LY96: variants seen among roughly 807,000 people sequenced by gnomAD.
The protein encoded by LY96 is lymphocyte antigen 96, also known as myeloid differentiation protein-2.
In LY96, 18 loss-of-function variants were observed where a neutral mutation model predicts 18.9. The observed-to-expected ratio is 0.95, with a 90% CI of 0.66 to 1.41. LY96 has a LOEUF of 1.41. Ranked by LOEUF, LY96 falls within the 40% of genes most tolerant of loss-of-function variation. The pLI, the probability that LY96 is intolerant of heterozygous loss-of-function variation, is 0.00. For missense variants in LY96, 175 were observed against 182.4 expected (o/e 0.96, Z 0.23); for synonymous variants, 66 against 62.6 (o/e 1.06, Z -0.26).
chr8:74,086,049 C>A, the LY96 span, among the ~76,000 whole-genome samples: 18 of 152,308 alleles, frequency 1.2e-4, no homozygotes, highest in South Asian at 2.1e-3. Context: ...AACCACCCCC[C>A]TCCCAGCCCC....
the LY96 span, among the ~76,000 whole-genome samples, chr8:74,092,857 T>A: frequency 6.6e-6 from 1 of 152,220 alleles, no homozygotes; most frequent in African/African-American, 2.4e-5. Context: ...TCTCTCTGTA[T>A]TGCCACAGCT....
intron 1 of LY96, among the ~76,000 whole-genome samples, chr8:73,998,445 GT>G (rs1255184182): frequency 2.0e-5 from 3 of 152,002 alleles, no homozygotes; most frequent in African/African-American, 4.8e-5. Flanking sequence ...AGAGGCTGAA[GT>G]GAGAGGATCA....
intron 3 of LY96, 49 bp downstream of exon 3, chr8:74,010,178 GA>G: frequency 1.3e-6 from 2 of 1,530,032 alleles, no homozygotes; most frequent in South Asian, 1.1e-5. Context: ...AATTCTTTAT[GA>G]AAATGTTATG....
At chr8:74,099,431 A>G in the LY96 span, 1 of 152,288 alleles carries the variant, frequency 6.6e-6, no homozygotes, top group Non-Finnish European at 1.5e-5. Flanking sequence ...TTGGTGCAAC[A>G]ACAGACCAGC....
chr8:74,027,154 G>C (rs1378555848), intron 4 of LY96, among the ~76,000 whole-genome samples: 7 of 151,990 alleles, frequency 4.6e-5, no homozygotes, highest in Non-Finnish European at 1.5e-5. Flanking sequence ...TGCCCAGGTT[G>C]GTCTTGAATT....
At chr8:74,007,957 G>A (rs535645131) in intron 2 of LY96, among the ~76,000 whole-genome samples, 6 of 152,206 alleles carry the variant, frequency 3.9e-5, no homozygotes, top group East Asian at 1.9e-4. Context: ...ACAGGGTTTC[G>A]CCATGTTGGC....
Position 73,998,132 on chromosome 8 carries a change from T to G in LY96, c.112+6578T>G, listed in dbSNP as rs1386826470. Among the ~76,000 whole-genome samples the G allele has an allele frequency of 4.6e-5, 7 of 152,000 alleles. No homozygotes were observed. The South Asian group carries it at 1.5e-3, about 31-fold the overall frequency. On this transcript the variant is annotated intron_variant, in intron 1 of 4. Coordinates refer to ENST00000284818, the MANE Select transcript of LY96 (RefSeq NM_015364.5). ...TCCAGGAACCCACCAAAAGTTACCA[T>G]TAGAAAAAAAGATGCTGCTATTGCC...
At chr8:74,046,505 G>A in the LY96 span, among the ~76,000 whole-genome samples, 1 of 152,064 alleles carries the variant, frequency 6.6e-6, no homozygotes, top group Non-Finnish European at 1.5e-5. Flanking sequence ...AGTTTAAGAA[G>A]AAAATTCTGC....
chr8:74,028,507 C>G (rs1006980122), intron 4 of LY96, among the ~76,000 whole-genome samples: 1 of 152,006 alleles, frequency 6.6e-6, no homozygotes, highest in African/African-American at 2.4e-5. Context: ...AAATTACAGA[C>G]TTTTTTTGTT....
intron 2 of LY96, among the ~76,000 whole-genome samples, chr8:74,005,801 G>T (rs117442434): frequency 0.011 from 1,722 of 152,182 alleles, 14 homozygotes; most frequent in Non-Finnish European, 0.016. Context: ...ACCAAACATT[G>T]TTTATTGCCT....
the LY96 span, among the ~76,000 whole-genome samples, chr8:74,068,873 G>A: frequency 1.3e-5 from 2 of 150,498 alleles, no homozygotes; most frequent in South Asian, 2.1e-4. Flanking sequence ...CTCAGCTCAC[G>A]CATCCTCCGC....
At chr8:74,004,310 C>A (rs1348626650) in intron 1 of LY96, among the ~76,000 whole-genome samples, 1 of 152,170 alleles carries the variant, frequency 6.6e-6, no homozygotes, top group Non-Finnish European at 1.5e-5. Context: ...AGCTCCAAGA[C>A]TGGCAAGACA....
intron 3 of LY96, among the ~76,000 whole-genome samples, chr8:74,015,887 G>C (rs1472116162): frequency 1.3e-5 from 2 of 152,176 alleles, no homozygotes; most frequent in Non-Finnish European, 2.9e-5. Flanking sequence ...AGAATGGAAG[G>C]GTCCGTTCCA....
chr8:74,089,643 C>T, the LY96 span, among the ~76,000 whole-genome samples: 1 of 152,074 alleles, frequency 6.6e-6, no homozygotes, highest in Non-Finnish European at 1.5e-5. Flanking sequence ...AAAACAAAGT[C>T]CCTGCCCTCA....
chr8:74,089,479 A>G, the LY96 span, among the ~76,000 whole-genome samples: 1 of 152,040 alleles, frequency 6.6e-6, no homozygotes, highest in Non-Finnish European at 1.5e-5. Flanking sequence ...TGTGTCCTAG[A>G]CTTGGTATGA....
chr8:74,067,628 T>C, the LY96 span, among the ~76,000 whole-genome samples: 2 of 152,064 alleles, frequency 1.3e-5, no homozygotes, highest in Non-Finnish European at 2.9e-5. Flanking sequence ...TAACTCATGC[T>C]CAGTAGCAGA....
chr8:74,009,186 G>C (rs142908478), intron 2 of LY96, among the ~76,000 whole-genome samples: 1 of 151,630 alleles, frequency 6.6e-6, no homozygotes, highest in African/African-American at 2.4e-5. Context: ...CACGAGGTCA[G>C]GAGTTCAAGA....
intron 3 of LY96, among the ~76,000 whole-genome samples, chr8:74,024,215 T>C (rs1351630039): frequency 1.3e-5 from 2 of 151,918 alleles, no homozygotes; most frequent in Non-Finnish European, 2.9e-5. Context: ...TATAGACTAG[T>C]GGAGAAAACA....
intron 1 of LY96, among the ~76,000 whole-genome samples, chr8:73,993,496 G>A (rs890905533): frequency 1.3e-5 from 2 of 152,148 alleles, no homozygotes; most frequent in African/African-American, 4.8e-5. Flanking sequence ...AGGCTGGAGT[G>A]CAATGGCATG....
Sources: allele counts gnomAD v4.1 joint callset (sites outside exome capture counted in the v4.1 genomes callset), GRCh38; gene constraint gnomAD v4.1.1; transcripts MANE v1.5; gene names NCBI Gene and HGNC (gene_info 2026-07-23, HGNC 2026-07-21).